Variants in ARHGEF7 observed in about 807,000 individuals in gnomAD.
The protein encoded by ARHGEF7 is PAK-interacting exchange factor beta.
Under a neutral mutation model 109.8 loss-of-function variants are expected in ARHGEF7, and 33 were observed. That is an observed-to-expected ratio of 0.30 (90% CI 0.23 to 0.40). ARHGEF7 has a LOEUF of 0.40. ARHGEF7 is among the 10% of genes least tolerant of loss of function. ARHGEF7 has a pLI of 1.00. For missense variants in ARHGEF7, 938 were observed against 1,098.5 expected, an observed-to-expected ratio of 0.85 and a Z score of 2.07; for synonymous variants, 458 against 424.6, an observed-to-expected ratio of 1.08 and a Z score of -0.97.
intron 8 of ARHGEF7, among the ~76,000 whole-genome samples, chr13:111,257,794 G>A (rs764399226): frequency 2.0e-5 from 3 of 152,250 alleles, no homozygotes; most frequent in Non-Finnish European, 2.9e-5. Flanking sequence ...GGGCTCAGTA[G>A]TTGTGAGACT....
At chr13:111,175,099 G>T (rs540056060) in intron 2 of ARHGEF7, among the ~76,000 whole-genome samples, 1 of 152,172 alleles carries the variant, frequency 6.6e-6, no homozygotes, top group African/African-American at 2.4e-5. Flanking sequence ...GGAGTGGGAC[G>T]AGCTTCTCTA....
intron 8 of ARHGEF7, among the ~76,000 whole-genome samples, chr13:111,246,978 A>G (rs1020935604): frequency 1.3e-5 from 2 of 152,340 alleles, no homozygotes; most frequent in Non-Finnish European, 2.9e-5. Context: ...GTGTTTACTA[A>G]GGCTTCAGTC....
At chr13:111,252,985 C>G (rs2089965189) in intron 8 of ARHGEF7, among the ~76,000 whole-genome samples, 1 of 152,234 alleles carries the variant, frequency 6.6e-6, no homozygotes, top group Non-Finnish European at 1.5e-5. Context: ...AGCGAGAGCC[C>G]CCAGCCAGTT....
At chr13:111,294,935 C>T (rs1378224531) in intron 19 of ARHGEF7, 1 of 985,352 alleles carries the variant, frequency 1.0e-6, no homozygotes, top group Admixed American at 6.2e-5. Context: ...ATAAAATTGC[C>T]AAAACACAGT....
chr13:111,232,519 C>T (rs1010668590), intron 5 of ARHGEF7, among the ~76,000 whole-genome samples: 5 of 152,154 alleles, frequency 3.3e-5, no homozygotes, highest in Admixed American at 2.0e-4. Flanking sequence ...GGTGTTTCTT[C>T]GGCAGGTGTT....
chr13:111,114,890 AC>A (rs2066640678), upstream of ARHGEF7: 1 of 152,260 alleles, frequency 6.6e-6, no homozygotes, highest in Non-Finnish European at 1.5e-5. Context: ...AGCGAAACAA[AC>A]GTCTCGTTTT....
Position 111,121,274 on chromosome 13 carries a change from C to T in ARHGEF7, c.165+5583C>T, listed in dbSNP as rs368294762. ...AAGTCTGTGTCTGGGCCTTTCTCCC[C>T]GGCCGCAGAACGTGTGTTCCGTGTT... On this transcript the variant is annotated intron_variant, in intron 1 of 21. Coordinates refer to ENST00000646102, the MANE Select transcript of ARHGEF7 (RefSeq NM_001354046.2). Among the ~76,000 whole-genome samples, 53 of 152,306 alleles carry T rather than the reference C, an allele frequency of 3.5e-4. 1 individual carries two copies. The South Asian group carries it at 9.5e-3, about 27-fold the overall frequency.
At chr13:111,261,051 A>C (rs2091036768) in intron 8 of ARHGEF7, among the ~76,000 whole-genome samples, 1 of 152,208 alleles carries the variant, frequency 6.6e-6, no homozygotes, top group Admixed American at 6.5e-5. Flanking sequence ...CCTTTACTAA[A>C]AGGAAGACAG....
At chr13:111,265,303 G>C (rs1160398429) in intron 8 of ARHGEF7, among the ~76,000 whole-genome samples, 1 of 152,132 alleles carries the variant, frequency 6.6e-6, no homozygotes, top group Non-Finnish European at 1.5e-5. Flanking sequence ...TTCTTAAATT[G>C]ATGAGAACAG....
chr13:111,156,406 T>G (rs1446196416), intron 2 of ARHGEF7, among the ~76,000 whole-genome samples: 1 of 152,248 alleles, frequency 6.6e-6, no homozygotes, highest in East Asian at 1.9e-4. Flanking sequence ...TCCAGTAAAT[T>G]TAAGCAAGAG....
intron 2 of ARHGEF7, among the ~76,000 whole-genome samples, chr13:111,198,933 CAA>C (rs1297534248): frequency 6.6e-6 from 1 of 152,136 alleles, no homozygotes; most frequent in Admixed American, 6.5e-5. Flanking sequence ...GGTGTGTTTA[CAA>C]ACCTTTAGCT....
intron 1 of ARHGEF7, among the ~76,000 whole-genome samples, chr13:111,120,799 T>C (rs979231417): frequency 5.3e-5 from 8 of 152,242 alleles, no homozygotes; most frequent in African/African-American, 1.9e-4. Flanking sequence ...TTGCAGGCGC[T>C]GTCCCTCGCA....
intron 3 of ARHGEF7, among the ~76,000 whole-genome samples, chr13:111,207,610 A>G (rs1445965007): frequency 6.6e-6 from 1 of 152,234 alleles, no homozygotes. Context: ...AGCAGAAGAT[A>G]GTAACTTTGA....
chr13:111,240,914 A>G (rs917732585), intron 6 of ARHGEF7, among the ~76,000 whole-genome samples: 4 of 152,242 alleles, frequency 2.6e-5, no homozygotes, highest in Non-Finnish European at 5.9e-5. Context: ...GATGACATAA[A>G]CATATAAAAC....
At chr13:111,152,868 C>T (rs2075967690) in intron 1 of ARHGEF7, among the ~76,000 whole-genome samples, 1 of 152,188 alleles carries the variant, frequency 6.6e-6, no homozygotes, top group Non-Finnish European at 1.5e-5. Context: ...TTTCTGGTTT[C>T]CTTAGTTTCT....
intron 8 of ARHGEF7, among the ~76,000 whole-genome samples, chr13:111,244,563 A>G (rs2088431315): frequency 6.6e-6 from 1 of 152,150 alleles, no homozygotes; most frequent in African/African-American, 2.4e-5. Flanking sequence ...TGGGAGAGAA[A>G]GGAGAATGGC....
intron 13 of ARHGEF7, among the ~76,000 whole-genome samples, chr13:111,279,332 G>T (rs2153604753): frequency 6.6e-6 from 1 of 152,296 alleles, no homozygotes; most frequent in East Asian, 1.9e-4. Context: ...GGGGCTGGGG[G>T]TCTCGGTGAG....
Position 111,205,276 on chromosome 13 carries a change from T to G in ARHGEF7, c.253-13T>G. ...GACTCTACTAATTTTGCTTGTTTAATTTTTCCTTTCAGACGTTTGATGCAA... is the reference window on the plus strand; with the variant it reads ...GACTCTACTAATTTTGCTTGTTTAAGTTTTCCTTTCAGACGTTTGATGCAA... On this transcript the variant is annotated splice_polypyrimidine_tract_variant and intron_variant, in intron 2 of 21. Coordinates refer to ENST00000646102, the MANE Select transcript of ARHGEF7 (RefSeq NM_001354046.2). 1 of 1,594,706 alleles carries G rather than the reference T, an allele frequency of 6.3e-7. No individual in the cohort carries two copies. The highest frequency in any genetic ancestry group is 1.1e-5 in the South Asian group (1 of 86,978).
chr13:111,144,886 A>G (rs2153363876), intron 1 of ARHGEF7, among the ~76,000 whole-genome samples: 1 of 152,308 alleles, frequency 6.6e-6, no homozygotes, highest in Admixed American at 6.5e-5. Context: ...AAAGGGTACA[A>G]TAAGTAGAGA....
Sources: allele counts gnomAD v4.1 joint callset (sites outside exome capture counted in the v4.1 genomes callset), GRCh38; gene constraint gnomAD v4.1.1; transcripts MANE v1.5; gene names NCBI Gene and HGNC (gene_info 2026-07-23, HGNC 2026-07-21).